The following PDE7B variants were observed in gnomAD, a reference collection of about 807,000 sequenced individuals.
PDE7B encodes phosphodiesterase 7B, also known as 3',5'-cyclic-AMP phosphodiesterase 7B.
A neutral mutation model predicts 56.2 loss-of-function variants in PDE7B; 29 were observed. That is an observed-to-expected ratio of 0.52 (90% CI 0.38 to 0.70). The LOEUF (loss-of-function observed/expected upper bound fraction) is 0.70. Ranked by LOEUF, PDE7B falls within the 30% of genes least tolerant of loss-of-function variation. The pLI is 0.00. For synonymous variants in PDE7B, 197 were observed against 196.9 expected, an observed-to-expected ratio of 1.00 and a Z score of 0.00; for missense variants, 490 against 565.0, an observed-to-expected ratio of 0.87 and a Z score of 1.35.
chr6:136,044,839 G>A (rs970385524), intron 2 of PDE7B: 10 of 152,102 alleles, frequency 6.6e-5, no homozygotes, highest in East Asian at 3.9e-4. Context: ...CCAGCCCTAC[G>A]AATGAGCTTT....
chr6:136,185,287 A>G (rs1779126196), intron 11 of PDE7B, among the ~76,000 whole-genome samples: 1 of 152,146 alleles, frequency 6.6e-6, no homozygotes, highest in South Asian at 2.1e-4. Context: ...CTTCAGCTCA[A>G]TGGTTAAGTG....
intron 1 of PDE7B, among the ~76,000 whole-genome samples, chr6:135,889,126 C>A (rs1469741366): frequency 6.6e-6 from 1 of 152,068 alleles, no homozygotes; most frequent in African/African-American, 2.4e-5. Context: ...TTGAGGACAT[C>A]TTTAAATTCT....
At chr6:136,035,321 TA>T (rs1776308696) in intron 2 of PDE7B, 1 of 152,246 alleles carries the variant, frequency 6.6e-6, no homozygotes, top group African/African-American at 2.4e-5. Flanking sequence ...GATCCCAGCC[TA>T]TGAGATGTTA....
chr6:136,191,753 A>G lies in PDE7B; in HGVS notation c.1266A>G (p.Arg422=), dbSNP rs1583936475. 5 of 1,601,200 alleles carry G rather than the reference A, an allele frequency of 3.1e-6. No homozygotes were observed. The East Asian group carries it at 1.1e-4, about 36-fold the overall frequency. Residue 422 remains arginine (R), a synonymous_variant, in exon 13 of 13, where the codon AGA becomes AGG. Coordinates refer to ENST00000308191, the MANE Select transcript of PDE7B (RefSeq NM_018945.4). The part of the protein sequence containing the change: ...QWKSLLPRQH[R]SRGSSGSGPD... ...AGAGCCTGTTGCCCAGGCAGCACAG[A>G]AGCAGGGGCAGCAGTGGCAGCGGGC...
At chr6:135,883,009 A>G (rs1775637700) in intron 1 of PDE7B, among the ~76,000 whole-genome samples, 1 of 152,184 alleles carries the variant, frequency 6.6e-6, no homozygotes, top group South Asian at 2.1e-4. Flanking sequence ...CCTCTTTTTC[A>G]GACTACATAT....
chr6:136,160,837 T>C (rs1778691674), intron 8 of PDE7B, among the ~76,000 whole-genome samples: 1 of 152,150 alleles, frequency 6.6e-6, no homozygotes, highest in South Asian at 2.1e-4. Flanking sequence ...TCTTTATCCA[T>C]TCAGCAGATA....
chr6:136,178,931 A>G, intron 9 of PDE7B, 66 bp from the exon 10 acceptor site: 1 of 1,535,750 alleles, frequency 6.5e-7, no homozygotes, highest in Non-Finnish European at 9.0e-7. Context: ...TGATGATAAA[A>G]TCAATCACCC....
chr6:135,947,590 G>A, intron 2 of PDE7B, 66 bp downstream of exon 2: 2 of 1,208,976 alleles, frequency 1.7e-6, no homozygotes, highest in Non-Finnish European at 1.2e-6. Context: ...TCATTCTGTT[G>A]CCTTTTTGGC....
At chr6:136,042,911 A>G (rs958895598) in intron 2 of PDE7B, among the ~76,000 whole-genome samples, 1 of 152,250 alleles carries the variant, frequency 6.6e-6, no homozygotes, top group Admixed American at 6.5e-5. Context: ...TTGTGGATTT[A>G]TGAATCAGAG....
At chr6:135,981,360 A>G (rs187778318) in intron 2 of PDE7B, among the ~76,000 whole-genome samples, 2,015 of 151,650 alleles carry the variant, frequency 0.013, 52 homozygotes, top group African/African-American at 0.045. Context: ...GGTGCAGCGC[A>G]CCAGCATGGC....
At chr6:136,143,434 G>A (rs997152340) in intron 3 of PDE7B, among the ~76,000 whole-genome samples, 1 of 151,584 alleles carries the variant, frequency 6.6e-6, no homozygotes, top group African/African-American at 2.4e-5. Context: ...TAAAATTTAG[G>A]GGAATACCAA....
At chr6:136,149,474 A>T (rs973960668) in intron 5 of PDE7B, among the ~76,000 whole-genome samples, 2 of 152,346 alleles carry the variant, frequency 1.3e-5, no homozygotes, top group African/African-American at 4.8e-5. Flanking sequence ...TTAGTTGATG[A>T]AAACTAGAAA....
chr6:135,898,952 T>A (rs1484596579), intron 1 of PDE7B, among the ~76,000 whole-genome samples: 2 of 152,114 alleles, frequency 1.3e-5, no homozygotes, highest in Non-Finnish European at 2.9e-5. Context: ...ATTGTAATAA[T>A]CCCCATGTGT....
At chr6:136,046,973 G>T (rs376067541) in intron 2 of PDE7B, among the ~76,000 whole-genome samples, 15 of 152,266 alleles carry the variant, frequency 9.9e-5, no homozygotes, top group East Asian at 5.8e-4. Flanking sequence ...TGCCTCTAGA[G>T]GGGTGGAAGC....
At chr6:135,886,569 G>A (rs939414132) in intron 1 of PDE7B, among the ~76,000 whole-genome samples, 3 of 151,970 alleles carry the variant, frequency 2.0e-5, no homozygotes, top group Non-Finnish European at 4.4e-5. Context: ...TCACACTTAT[G>A]TCTTTGTGTC....
At chr6:135,871,619 G>T (rs1775381565) in intron 1 of PDE7B, among the ~76,000 whole-genome samples, 1 of 152,160 alleles carries the variant, frequency 6.6e-6, no homozygotes, top group Non-Finnish European at 1.5e-5. Context: ...AAGAATTCTG[G>T]GGAAAGACAG....
chr6:135,960,720 T>C (rs1205705382), intron 2 of PDE7B, among the ~76,000 whole-genome samples: 1 of 152,224 alleles, frequency 6.6e-6, no homozygotes, highest in East Asian at 1.9e-4. Flanking sequence ...ACAGATAGTT[T>C]CCCTCGTACC....
chr6:136,094,343 T>G (rs998326948), intron 2 of PDE7B: 3 of 152,704 alleles, frequency 2.0e-5, no homozygotes, highest in African/African-American at 7.2e-5. Context: ...CCTCATCCCC[T>G]CACACTCCTG....
chr6:135,932,816 A>C (rs1349593911), intron 1 of PDE7B, among the ~76,000 whole-genome samples: 1 of 152,148 alleles, frequency 6.6e-6, no homozygotes, highest in African/African-American at 2.4e-5. Context: ...TGGAGACATG[A>C]GCTTGTAGGA....
Sources: gnomAD v4.1 joint callset for allele counts (sites outside exome capture counted in the v4.1 genomes callset) on GRCh38, gnomAD v4.1.1 for gene constraint, MANE v1.5 for transcripts, NCBI Gene and HGNC (gene_info 2026-07-23, HGNC 2026-07-21) for gene names.